SARAF: variants seen among roughly 807,000 people sequenced by gnomAD.
The protein encoded by SARAF is store-operated calcium entry associated regulatory factor.
In SARAF, 23 loss-of-function variants were observed where a neutral mutation model predicts 39.7. The ratio of observed to expected loss-of-function variants is 0.58; its 90% CI spans 0.42 to 0.82. The LOEUF is 0.82. SARAF is among the 40% of genes least tolerant of loss of function. The pLI is 0.00. For missense variants in SARAF, 384 were observed against 418.5 expected (o/e 0.92, Z 0.72); for synonymous variants, 175 against 168.5 (o/e 1.04, Z -0.30).
At chr8:30,075,995 A>C (rs1801953801) in intron 1 of SARAF, among the ~76,000 whole-genome samples, 2 of 145,434 alleles carry the variant, frequency 1.4e-5, no homozygotes, top group Admixed American at 6.8e-5. Context: ...AAAAAACAAA[A>C]AAAAAAAAAC....
intron 3 of SARAF, among the ~76,000 whole-genome samples, chr8:30,068,022 G>A (rs1801731625): frequency 6.6e-6 from 1 of 152,066 alleles, no homozygotes; most frequent in African/African-American, 2.4e-5. Flanking sequence ...TGGTTATCTG[G>A]TGGCTAAAAA....
chr8:30,083,200 G>C, upstream of SARAF: 1 of 368,524 alleles, frequency 2.7e-6, no homozygotes, highest in East Asian at 5.2e-5. Flanking sequence ...GGCGGGGCGA[G>C]GCGGTGTGGG....
At chr8:30,068,965 TCTC>T (rs1032574683) in intron 3 of SARAF, among the ~76,000 whole-genome samples, 22 of 152,138 alleles carry the variant, frequency 1.4e-4, no homozygotes, top group Admixed American at 1.2e-3. Flanking sequence ...TAACAAATAT[TCTC>T]CTATGTTTTA....
intron 3 of SARAF, among the ~76,000 whole-genome samples, chr8:30,068,442 A>C (rs544834358): frequency 1.3e-5 from 2 of 152,292 alleles, no homozygotes; most frequent in South Asian, 4.1e-4. Context: ...CAGGGCTCCC[A>C]CTGATTCTAC....
chr8:30,075,981 T>TAAAAAAAAAAAAAAAAAAAAA lies in SARAF; in HGVS notation c.104-1927_104-1926insTTTTTTTTTTTTTTTTTTTTT, dbSNP rs1491525634. Among the ~76,000 whole-genome samples, 4 of 7,378 alleles carry TAAAAAAAAAAAAAAAAAAAAA rather than the reference T, an allele frequency of 5.4e-4. 2 individuals are homozygous for TAAAAAAAAAAAAAAAAAAAAA. Among genetic ancestry groups the TAAAAAAAAAAAAAAAAAAAAA allele is most frequent in the Non-Finnish European group, 1.6e-3 (4 of 2,474 alleles). The allele number at this position is 7,378 out of a possible 152,430, so 4.8% of individuals were successfully genotyped here. ...AACCTGATGTACATAACAGAATCCCTAAAAAAAAACAAAAAAAAAAAAACA... is the reference window on the plus strand; with the variant it reads ...AACCTGATGTACATAACAGAATCCCTAAAAAAAAAAAAAAAAAAAAAAAAAAAAAACAAAAAAAAAAAAACA... On this transcript the variant is annotated intron_variant, in intron 1 of 5. Coordinates refer to ENST00000256255, the MANE Select transcript of SARAF (RefSeq NM_016127.6).
intron 1 of SARAF, chr8:30,082,413 G>A (rs540145830): frequency 6.3e-6 from 1 of 158,808 alleles, no homozygotes; most frequent in African/African-American, 2.4e-5. Context: ...CGCTAAGGGT[G>A]ACTCAGAGAC....
chr8:30,083,154 C>T, upstream of SARAF: 1 of 477,506 alleles, frequency 2.1e-6, no homozygotes, highest in Non-Finnish European at 3.7e-6. Flanking sequence ...GAGTGGCCGC[C>T]GTGGGCCCCC....
rs1268204403 is a variant in SARAF, at chr8:30,078,862, A to C, written c.103+3985T>G. 2.0e-5 allele frequency among the ~76,000 whole-genome samples: 3 copies of C among 152,192 alleles called. No individual in the cohort carries two copies. In the East Asian group the frequency reaches 5.8e-4, roughly 29 times the overall value. ...TACCAGATAGTAAAGGTTACTATAA[A>C]ATTATTATCATCAGCCAGGCACGGT... is the stretch of plus-strand genomic sequence containing the variant. On this transcript the variant is annotated intron_variant, in intron 1 of 5. Transcript: ENST00000256255.
chr8:30,081,726 T>C (rs993806463), intron 1 of SARAF, among the ~76,000 whole-genome samples: 1 of 33,570 alleles, frequency 3.0e-5, no homozygotes, highest in Non-Finnish European at 5.9e-5. Flanking sequence ...AATGATGTTG[T>C]TTTCATTTTT....
At chr8:30,079,514 G>A (rs911582048) in intron 1 of SARAF, among the ~76,000 whole-genome samples, 2 of 152,098 alleles carry the variant, frequency 1.3e-5, no homozygotes, top group South Asian at 4.1e-4. Flanking sequence ...ATGTTCAATG[G>A]TTTAGAAAAA....
Position 30,083,058 on chromosome 8 carries a change from A to AG in SARAF, c.-110dup. 1.3e-6 allele frequency: 1 copy of AG among 781,422 alleles called. No homozygotes were observed. Among genetic ancestry groups the AG allele is most frequent in the African/African-American group, 1.9e-5 (1 of 53,444 alleles). 48.4% of individuals were successfully genotyped at this position (781,422 alleles called of 1,614,324 possible). ...ACACCGCTACCCCTGGCGGCGGCGA[A>AG]GGAACGGCCCGACTGCAGAGCTGCA... On this transcript the variant is annotated 5_prime_UTR_variant, in exon 1 of 6. Coordinates refer to ENST00000256255, the MANE Select transcript of SARAF (RefSeq NM_016127.6).
Position 30,074,041 on chromosome 8 carries a change from G to C in SARAF, c.118C>G (p.Arg40Gly). 6.2e-7 allele frequency: 1 copy of C among 1,613,286 alleles called. No homozygotes were observed. Among genetic ancestry groups the C allele is most frequent in the Non-Finnish European group, 8.5e-7 (1 of 1,179,564 alleles). The change falls in exon 2 of 6, where the codon CGG (arginine) becomes GGG (glycine). Residue 40 changes from arginine (R) to glycine (G), a missense_variant. Physicochemically the swap from Arg to Gly is moderately radical, Grantham distance 125. Coordinates refer to ENST00000256255, the MANE Select transcript of SARAF (RefSeq NM_016127.6). ...GWNDPDRMLL[R>G]DVKALTLHYD... ...TGGAGGGTAAGAGCTTTTACATCCC[G>C]CAGCAACATTCTGTCTGAAACAGCA... is the stretch of plus-strand genomic sequence containing the variant.
In SARAF at chr8:30,069,508, T is replaced by G. The variant is rs1234063865; in HGVS notation, c.700+134A>C. The G allele has an allele frequency of 7.4e-6, 7 of 941,898 alleles. No individual in the cohort carries two copies. The Admixed American group carries it at 1.7e-4, about 22-fold the overall frequency. The allele number at this position is 941,898 out of a possible 1,614,324, so 58.3% of individuals were successfully genotyped here. On this transcript the variant is annotated intron_variant, in intron 3 of 5. Transcript: ENST00000256255. ...GCCAAACAGAAGAGGTAAAAGAAGT[T>G]GAAAGTAAAAAACAAAATGAGAAGA... is the stretch of plus-strand genomic sequence containing the variant.
At chr8:30,066,656 T>A in intron 4 of SARAF, 121 bp downstream of exon 4, 1 of 1,259,588 alleles carries the variant, frequency 7.9e-7, no homozygotes, top group South Asian at 1.4e-5. Flanking sequence ...CCAGAGAATC[T>A]TATTTAATAG....
At position 30,069,666 on chromosome 8, in the gene SARAF, G is replaced by C; in HGVS notation, c.676C>G (p.Pro226Ala). The change falls in exon 3 of 6, where the codon CCA becomes GCA. Residue 226 changes from proline to alanine, a missense_variant. Physicochemically the swap from Pro to Ala is conservative, Grantham distance 27. Transcript: ENST00000256255. ...CCTGTGAACTCAGACTTAAAGCCTG[G>C]GGGAGGAGGTCCTGCTGAGTTGGTG... is the stretch of plus-strand genomic sequence containing the variant. ...RFTNSAGPPP[P>A]GFKSEFTGPQ... 1 of 1,614,088 alleles carries C rather than the reference G, an allele frequency of 6.2e-7. No individual in the cohort carries two copies. Among genetic ancestry groups the C allele is most frequent in the Non-Finnish European group, 8.5e-7 (1 of 1,179,998 alleles).
intron 3 of SARAF, among the ~76,000 whole-genome samples, chr8:30,067,764 A>G (rs902984431): frequency 4.6e-5 from 7 of 152,104 alleles, no homozygotes; most frequent in African/African-American, 1.4e-4. Flanking sequence ...GTCCCATTCT[A>G]ATGTTTATGG....
Position 30,082,880 on chromosome 8 carries a change from T to G in SARAF, c.70A>C (p.Thr24Pro). The change falls in exon 1 of 6, where the codon ACC becomes CCC. Residue 24 changes from threonine (T) to proline (P), a missense_variant. Transcript: ENST00000256255. ...TTCCAGCCCAGGGCAGGGCCCGCGG[T>G]CAGCAGAAACAAATGCAAGCCGAGG... ...LLLGLHLFLL[T>P]AGPALGWNDP... The G allele has an allele frequency of 6.4e-7, 1 of 1,559,012 alleles. No individual in the cohort carries two copies. The highest frequency in any genetic ancestry group is 8.7e-7 in the Non-Finnish European group (1 of 1,153,980).
rs1352122133 is a variant in SARAF at position 30,063,603 on chromosome 8, G to C, written c.*285C>G. On this transcript the variant is annotated 3_prime_UTR_variant, in exon 6 of 6. Transcript: ENST00000256255. ...TCTTAATGCTTCTTAGGGCATCACA[G>C]GTTTTAGAAATTAATGTATTTTTAG... 8.7e-6 allele frequency: 4 copies of C among 459,192 alleles called. No homozygotes were observed. The highest frequency in any genetic ancestry group is 5.8e-5 in the South Asian group (2 of 34,686). The allele number at this position is 459,192 out of a possible 1,614,324, so 28.4% of individuals were successfully genotyped here.
In SARAF at chr8:30,069,882, C is replaced by T. The variant is rs764583481; in HGVS notation, c.460G>A (p.Gly154Ser). The change falls in exon 3 of 6, where the codon GGC becomes AGC. Residue 154 changes from glycine to serine, a missense_variant. Transcript: ENST00000256255. The part of the protein sequence containing the change: ...QKLKESGKQH[G>S]FASFSDYYYK... ...TAATAATCAGAGAAAGAGGCAAAGCCGTGCTGCTTTCCAGACTCCTTCAGT... is the reference window on the plus strand; with the variant it reads ...TAATAATCAGAGAAAGAGGCAAAGCTGTGCTGCTTTCCAGACTCCTTCAGT... The T allele has an allele frequency of 2.3e-5, 37 of 1,614,024 alleles. No individual in the cohort carries two copies. The highest frequency in any genetic ancestry group is 2.2e-5 in the Non-Finnish European group (26 of 1,180,018).
Sources: allele counts gnomAD v4.1 joint callset (sites outside exome capture counted in the v4.1 genomes callset), GRCh38; gene constraint gnomAD v4.1.1; transcripts MANE v1.5; gene names NCBI Gene and HGNC (gene_info 2026-07-23, HGNC 2026-07-21).